The following ANKRD31 variants were observed in gnomAD, a reference collection of about 807,000 sequenced individuals.
ANKRD31 encodes ankyrin repeat domain 31.
Under a neutral mutation model 186.0 loss-of-function variants are expected in ANKRD31, and 147 were observed. The observed-to-expected ratio is 0.79, with a 90% CI of 0.69 to 0.91. ANKRD31 has a LOEUF of 0.91. ANKRD31 is among the 40% of genes least tolerant of loss of function. The pLI is 0.00. For synonymous variants in ANKRD31, 673 were observed against 736.4 expected, an observed-to-expected ratio of 0.91 and a Z score of 1.39; for missense variants, 1,986 against 2,148.8, an observed-to-expected ratio of 0.92 and a Z score of 1.50.
intron 8 of ANKRD31, 117 bp downstream of exon 8, chr5:75,193,194 A>T: frequency 8.2e-7 from 1 of 1,213,556 alleles, no homozygotes; most frequent in Non-Finnish European, 1.1e-6. Flanking sequence ...CAATAATATA[A>T]AAAATAAAGC....
At position 75,167,581 on chromosome 5, in the gene ANKRD31, T is replaced by C. The variant is rs148440038; in HGVS notation, c.1707+1398A>G. 6.6e-4 allele frequency among the ~76,000 whole-genome samples: 100 copies of C among 152,238 alleles called. 1 individual carries two copies. The highest frequency in any genetic ancestry group is 2.3e-3 in the African/African-American group (95 of 41,548). On this transcript the variant is annotated intron_variant, in intron 11 of 25. Coordinates refer to ENST00000506364, the MANE Select transcript of ANKRD31 (RefSeq NM_001372053.1). The stretch of plus-strand genomic sequence containing the variant: ...CAAGAGCATATGAACCACAGGCAGA[T>C]TGGAGGATTGCAAGAGGGAATGCAG...
intron 10 of ANKRD31, among the ~76,000 whole-genome samples, chr5:75,169,906 A>G (rs1290637142): frequency 6.6e-6 from 1 of 152,140 alleles, no homozygotes; most frequent in African/African-American, 2.4e-5. Flanking sequence ...TAGTTCTAAC[A>G]ACTAAACATG....
At chr5:75,208,702 C>T (rs1343473393) in intron 4 of ANKRD31, among the ~76,000 whole-genome samples, 1 of 152,194 alleles carries the variant, frequency 6.6e-6, no homozygotes, top group African/African-American at 2.4e-5. Flanking sequence ...CTGCCTAAGA[C>T]AACCTTTGTT....
chr5:75,134,082 C>T (rs879091465), intron 17 of ANKRD31, among the ~76,000 whole-genome samples: 1 of 151,914 alleles, frequency 6.6e-6, no homozygotes, highest in Non-Finnish European at 1.5e-5. Flanking sequence ...AAAATAGACA[C>T]CCTAACATCA....
chr5:75,080,583 T>G lies in ANKRD31; in HGVS notation c.5632A>C (p.Thr1878Pro). The G allele has an allele frequency of 6.5e-7, 1 of 1,530,110 alleles. No individual in the cohort carries two copies. The highest frequency in any genetic ancestry group is 8.7e-7 in the Non-Finnish European group (1 of 1,144,576). The allele number at this position is 1,530,110 out of a possible 1,614,324, so 94.8% of individuals were successfully genotyped here. Residue 1878 changes from threonine to proline, a missense_variant, in exon 25 of 26, where the codon ACA becomes CCA. Thr to Pro is a conservative substitution (Grantham distance 38). Transcript: ENST00000506364. The part of the protein sequence containing the change: ...QEPNKSMFEK[T>P]KFGQGTSRES... ...TTTTTTTTACCTTGTCCAAATTTTGTTTTCTCAAACATTGATTTGTTTGGT... is the reference window on the plus strand; with the variant it reads ...TTTTTTTTACCTTGTCCAAATTTTGGTTTCTCAAACATTGATTTGTTTGGT...
intron 12 of ANKRD31, among the ~76,000 whole-genome samples, chr5:75,153,949 T>A (rs1270857171): frequency 6.6e-6 from 1 of 152,026 alleles, no homozygotes; most frequent in East Asian, 1.9e-4. Flanking sequence ...AGAAACAAAT[T>A]TATAAAAGGT....
intron 11 of ANKRD31, among the ~76,000 whole-genome samples, chr5:75,162,180 G>A (rs1462762351): frequency 6.6e-6 from 1 of 152,176 alleles, no homozygotes; most frequent in Admixed American, 6.5e-5. Context: ...GCCCATGAAG[G>A]CAGCCAGGAC....
At chr5:75,221,525 C>G (rs1428686874) in intron 3 of ANKRD31, among the ~76,000 whole-genome samples, 2 of 152,240 alleles carry the variant, frequency 1.3e-5, no homozygotes, top group African/African-American at 2.4e-5. Flanking sequence ...ATTATTACAT[C>G]CTATTTTAAC....
chr5:75,164,026 T>C (rs1752754309), intron 11 of ANKRD31, among the ~76,000 whole-genome samples: 1 of 152,244 alleles, frequency 6.6e-6, no homozygotes, highest in Non-Finnish European at 1.5e-5. Flanking sequence ...AATGACAGTA[T>C]GTGACTTCTA....
intron 16 of ANKRD31, 49 bp from the exon 17 acceptor site, chr5:75,138,047 A>G (rs143056868): frequency 2.9e-6 from 4 of 1,391,144 alleles, no homozygotes; most frequent in African/African-American, 2.9e-5. Context: ...GCGAATCAAT[A>G]CTCATGTAAT....
intron 10 of ANKRD31, among the ~76,000 whole-genome samples, chr5:75,181,880 T>C (rs1561512673): frequency 7.8e-6 from 1 of 128,204 alleles, no homozygotes; most frequent in African/African-American, 3.7e-5. Flanking sequence ...AACTTAAAAG[T>C]ATAATAGTAA....
chr5:75,141,010 A>G (rs982593363), intron 15 of ANKRD31, among the ~76,000 whole-genome samples: 1 of 152,190 alleles, frequency 6.6e-6, no homozygotes, highest in Non-Finnish European at 1.5e-5. Flanking sequence ...CTACTGAATC[A>G]GATTCTTTGA....
intron 10 of ANKRD31, among the ~76,000 whole-genome samples, chr5:75,185,002 T>C (rs1161245901): frequency 6.6e-6 from 1 of 152,152 alleles, no homozygotes; most frequent in Admixed American, 6.5e-5. Context: ...ATGTGGTATA[T>C]GTATACAATG....
intron 10 of ANKRD31, among the ~76,000 whole-genome samples, chr5:75,174,741 G>A (rs1454673821): frequency 6.6e-6 from 1 of 152,214 alleles, no homozygotes; most frequent in South Asian, 2.1e-4. Flanking sequence ...AGATGCTGGA[G>A]AGGATGTGGA....
rs1756591524 is a variant in ANKRD31, at chr5:75,210,918, A to T, written c.289-53T>A. 5 of 1,215,594 alleles carry T rather than the reference A, an allele frequency of 4.1e-6. No homozygotes were observed. In the South Asian group the frequency reaches 4.5e-5, roughly 11 times the overall value. The allele number at this position is 1,215,594 out of a possible 1,614,324, so 75.3% of individuals were successfully genotyped here. A position where few individuals can be genotyped will look rare whatever the true frequency, so the allele number is the denominator to read the frequency against. ...AACTGATAAGTGTTAATTCAATGCAACAAGCTAAAAAAATTAACATTTAAA... is the reference window on the plus strand; with the variant it reads ...AACTGATAAGTGTTAATTCAATGCATCAAGCTAAAAAAATTAACATTTAAA... On this transcript the variant is annotated intron_variant, in intron 3 of 25. Coordinates refer to ENST00000506364, the MANE Select transcript of ANKRD31 (RefSeq NM_001372053.1).
At chr5:75,198,597 G>C (rs1755621330) in intron 6 of ANKRD31, among the ~76,000 whole-genome samples, 1 of 152,162 alleles carries the variant, frequency 6.6e-6, no homozygotes, top group Non-Finnish European at 1.5e-5. Flanking sequence ...TAATATTATA[G>C]AGTACAAGTG....
At chr5:75,103,007 G>A (rs749418713) in intron 22 of ANKRD31, among the ~76,000 whole-genome samples, 57 of 152,126 alleles carry the variant, frequency 3.7e-4, no homozygotes, top group Non-Finnish European at 7.1e-4. Context: ...CTTCTGAGTC[G>A]CTCACTCTGG....
chr5:75,146,700 T>A lies in ANKRD31; in HGVS notation c.2711A>T (p.Asp904Val), dbSNP rs1430256124. ...AGCCTTCTCAGAGGTAGAGCAATCA[T>A]CATCATCATCATTATCAGAATTTTC... is the stretch of plus-strand genomic sequence containing the variant. ...VKENSDNDDD[D>V]DCSTSEKAIT... is the part of the protein sequence containing the mutation. The change falls in exon 14 of 26, where the codon GAT becomes GTT. Residue 904 changes from aspartate to valine, a missense_variant. Transcript: ENST00000506364. 4.8e-5 allele frequency: 74 copies of A among 1,536,128 alleles called. No individual in the cohort carries two copies. The highest frequency in any genetic ancestry group is 6.2e-5 in the Non-Finnish European group (71 of 1,146,224).
At chr5:75,157,796 C>T (rs1293412546) in intron 11 of ANKRD31, among the ~76,000 whole-genome samples, 1 of 152,116 alleles carries the variant, frequency 6.6e-6, no homozygotes, top group African/African-American at 2.4e-5. Context: ...GCTCTGTCTG[C>T]AGAAACACTG....
Sources: allele counts gnomAD v4.1 joint callset (sites outside exome capture counted in the v4.1 genomes callset), GRCh38; gene constraint gnomAD v4.1.1; transcripts MANE v1.5; gene names NCBI Gene and HGNC (gene_info 2026-07-23, HGNC 2026-07-21).